MYO3A: variants seen among roughly 807,000 people sequenced by gnomAD.
MYO3A encodes myosin IIIA.
In MYO3A, 180 loss-of-function variants were observed where a neutral mutation model predicts 192.7. That is an observed-to-expected ratio of 0.93 (90% CI 0.83 to 1.06). The LOEUF (loss-of-function observed/expected upper bound fraction) is 1.06. MYO3A is among the 50% of genes least tolerant of loss of function. The pLI is 0.00. For synonymous variants in MYO3A, 628 were observed against 645.3 expected (o/e 0.97, Z 0.41); for missense variants, 1,896 against 1,905.0 (o/e 1.00, Z 0.09).
intron 10 of MYO3A, among the ~76,000 whole-genome samples, chr10:26,064,534 G>C (rs1346108120): frequency 2.1e-5 from 3 of 145,756 alleles, no homozygotes; most frequent in Non-Finnish European, 4.6e-5. Context: ...TTTGAGCAGA[G>C]TAGTGACATG....
At chr10:26,041,412 A>C (rs79334948) in intron 10 of MYO3A, among the ~76,000 whole-genome samples, 1,736 of 151,990 alleles carry the variant, frequency 0.011, 33 homozygotes, top group African/African-American at 0.039. Flanking sequence ...AGTTTAGTCC[A>C]CTTACTTTCA....
chr10:26,211,930 C>A lies in MYO3A; in HGVS notation c.4818C>A (p.Thr1606=), dbSNP rs1402647068. 1 of 1,613,998 alleles carries A rather than the reference C, an allele frequency of 6.2e-7. No individual in the cohort carries two copies. Among genetic ancestry groups the A allele is most frequent in the African/African-American group, 1.3e-5 (1 of 75,046 alleles). ...PYDFRRLLRK[T]SQRRRLVQQS ...ACTTCAGGAGGCTCCTGCGCAAAAC[C>A]TCCCAGCGCCGGCGCCTCGTCCAGC... The change falls in exon 35 of 35, where the codon ACC becomes ACA. Residue 1606 remains threonine, a synonymous_variant. Coordinates refer to ENST00000642920, the MANE Select transcript of MYO3A (RefSeq NM_017433.5).
chr10:26,136,973 G>A (rs534360625), intron 20 of MYO3A, among the ~76,000 whole-genome samples: 32 of 151,952 alleles, frequency 2.1e-4, no homozygotes, highest in Middle Eastern at 3.4e-3. Flanking sequence ...AGCAGAGTTC[G>A]TGCCACTGCA....
In MYO3A at chr10:26,016,801, A is replaced by G; in HGVS notation, c.509-19A>G. 4 of 1,612,698 alleles carry G rather than the reference A, an allele frequency of 2.5e-6. No individual in the cohort carries two copies. Among genetic ancestry groups the G allele is most frequent in the Non-Finnish European group, 3.4e-6 (4 of 1,178,652 alleles). On this transcript the variant is annotated intron_variant, in intron 6 of 34. Coordinates refer to ENST00000642920, the MANE Select transcript of MYO3A (RefSeq NM_017433.5). ...ATGAGTAATTAATGCAAAAAAGTAC[A>G]TCTTGTCTCTTCCTCTAGGTGTGTC...
intron 4 of MYO3A, among the ~76,000 whole-genome samples, chr10:25,989,382 G>A (rs1333222740): frequency 5.9e-5 from 9 of 151,510 alleles, no homozygotes; most frequent in Admixed American, 5.9e-4. Context: ...CCTTTTATTC[G>A]GCTTCCAGGG....
intron 17 of MYO3A, among the ~76,000 whole-genome samples, chr10:26,098,980 T>A (rs898742074): frequency 4.6e-5 from 7 of 152,226 alleles, no homozygotes; most frequent in African/African-American, 1.4e-4. Flanking sequence ...GAGATGGCAA[T>A]GAATCTACAA....
rs144681346 is a variant in MYO3A at position 26,140,426 on chromosome 10, G to A, written c.2263-3022G>A. ...AGGCTGGGCACGGTGGCTCACGCCT[G>A]TAATCCCAGCACTTTGGGAGGCTGA... is the stretch of plus-strand genomic sequence containing the variant. On this transcript the variant is annotated intron_variant, in intron 20 of 34. Coordinates refer to ENST00000642920, the MANE Select transcript of MYO3A (RefSeq NM_017433.5). Among the ~76,000 whole-genome samples the A allele has an allele frequency of 3.9e-3, 588 of 152,286 alleles. 3 individuals carry two copies. Among genetic ancestry groups the A allele is most frequent in the African/African-American group, 0.014 (561 of 41,550 alleles).
intron 6 of MYO3A, among the ~76,000 whole-genome samples, chr10:26,014,460 A>T (rs1424665472): frequency 2.0e-5 from 3 of 152,112 alleles, no homozygotes; most frequent in Non-Finnish European, 4.4e-5. Flanking sequence ...ACTTTAAAAA[A>T]ATCCACCAAT....
chr10:26,154,804 C>A lies in MYO3A; in HGVS notation c.2774C>A (p.Thr925Lys), dbSNP rs149803315. 5 of 1,613,130 alleles carry A rather than the reference C, an allele frequency of 3.1e-6. No homozygotes were observed. The highest frequency in any genetic ancestry group is 3.4e-6 in the Non-Finnish European group (4 of 1,179,492). Residue 925 changes from threonine (T) to lysine (K), a missense_variant, in exon 25 of 35, where the codon ACG (threonine) becomes AAG (lysine). Coordinates refer to ENST00000642920, the MANE Select transcript of MYO3A (RefSeq NM_017433.5). ...GAGACAACCAACATGAAAACACAAACGGTTGCATCATATTTTAGAGTAAGA... is the reference window on the plus strand; with the variant it reads ...GAGACAACCAACATGAAAACACAAAAGGTTGCATCATATTTTAGAGTAAGA... ...ARETTNMKTQ[T>K]VASYFRYSLM... is the part of the protein sequence containing the mutation.
chr10:26,125,398 G>A lies in MYO3A; in HGVS notation c.1904G>A (p.Cys635Tyr). 1.2e-6 allele frequency: 2 copies of A among 1,613,750 alleles called. No homozygotes were observed. The highest frequency in any genetic ancestry group is 1.7e-6 in the Non-Finnish European group (2 of 1,179,820). The change falls in exon 19 of 35, where the codon TGT becomes TAT. Residue 635 changes from cysteine (C) to tyrosine (Y), a missense_variant and splice_region_variant. By Grantham distance (194) the Cys-to-Tyr change is radical. Coordinates refer to ENST00000642920, the MANE Select transcript of MYO3A (RefSeq NM_017433.5). ...HISNHTALEN[C>Y]ASLLCIRADE... The stretch of plus-strand genomic sequence containing the variant: ...AACAATGCATCTGTTTGTTTTTCAG[G>A]TGCTTCTTTGCTTTGCATTCGGGCA...
chr10:25,945,854 T>C (rs1412432390), intron 2 of MYO3A, among the ~76,000 whole-genome samples: 2 of 152,190 alleles, frequency 1.3e-5, no homozygotes, highest in Non-Finnish European at 2.9e-5. Flanking sequence ...ATTTAGTGTA[T>C]ATTTTGTAAT....
At chr10:26,115,898 A>G (rs1475267039) in intron 17 of MYO3A, among the ~76,000 whole-genome samples, 1 of 152,218 alleles carries the variant, frequency 6.6e-6, no homozygotes, top group Admixed American at 6.5e-5. Context: ...CAATCAAAAT[A>G]TGTTCTGCTT....
chr10:25,992,913 T>A (rs184582120), intron 4 of MYO3A, among the ~76,000 whole-genome samples: 323 of 152,364 alleles, frequency 2.1e-3, no homozygotes, highest in African/African-American at 7.2e-3. Flanking sequence ...GGTTTGCCAG[T>A]ATTTTATTGA....
chr10:26,192,098 A>G (rs920017873), intron 31 of MYO3A, among the ~76,000 whole-genome samples: 2 of 152,178 alleles, frequency 1.3e-5, no homozygotes, highest in Non-Finnish European at 2.9e-5. Flanking sequence ...TGAAAAAAGT[A>G]GAAATATGTA....
At chr10:26,143,348 A>G in intron 20 of MYO3A, 100 bp from the exon 21 acceptor site, 1 of 1,272,062 alleles carries the variant, frequency 7.9e-7, no homozygotes, top group Non-Finnish European at 1.1e-6. Context: ...GCAAGGTCAA[A>G]GGGAGCAATT....
intron 2 of MYO3A, among the ~76,000 whole-genome samples, chr10:25,939,581 C>A (rs1033268120): frequency 6.6e-6 from 1 of 151,448 alleles, no homozygotes; most frequent in African/African-American, 2.4e-5. Flanking sequence ...TGTTTAGTGC[C>A]TTTTTAAGGT....
intron 2 of MYO3A, among the ~76,000 whole-genome samples, chr10:25,951,645 G>A (rs193110002): frequency 4.9e-4 from 75 of 152,196 alleles, no homozygotes; most frequent in African/African-American, 1.8e-3. Context: ...CATGTTAGAG[G>A]ACCCATTATT....
intron 4 of MYO3A, among the ~76,000 whole-genome samples, chr10:25,993,116 C>T (rs970770160): frequency 5.9e-5 from 9 of 151,428 alleles, no homozygotes; most frequent in East Asian, 1.9e-4. Context: ...TGGTAGAATT[C>T]GGCTGTGAAT....
chr10:26,189,553 C>G (rs780861110), intron 31 of MYO3A, among the ~76,000 whole-genome samples: 1 of 152,226 alleles, frequency 6.6e-6, no homozygotes, highest in Non-Finnish European at 1.5e-5. Flanking sequence ...TGAGAAAAAG[C>G]AAAGTTACAC....
Sources: gnomAD v4.1 joint callset for allele counts (sites outside exome capture counted in the v4.1 genomes callset) on GRCh38, gnomAD v4.1.1 for gene constraint, MANE v1.5 for transcripts, NCBI Gene and HGNC (gene_info 2026-07-23, HGNC 2026-07-21) for gene names.